CUBN: variants seen among roughly 807,000 people sequenced by gnomAD.
The protein encoded by CUBN is 460 kDa receptor.
A neutral mutation model predicts 405.3 loss-of-function variants in CUBN; 282 were observed. The ratio of observed to expected loss-of-function variants is 0.70; its 90% confidence interval spans 0.63 to 0.77. The LOEUF (loss-of-function observed/expected upper bound fraction) is 0.77. Among genes scored for constraint, CUBN ranks in the 30% least tolerant of loss-of-function variants. The pLI, the probability that CUBN is intolerant of heterozygous loss-of-function variation, is 0.00. For missense variants in CUBN, 4,514 were observed against 4,475.2 expected (o/e 1.01, Z -0.25); for synonymous variants, 1,684 against 1,617.0 (o/e 1.04, Z -0.99).
chr10:17,112,446 G>A (rs1836792806), intron 8 of CUBN, among the ~76,000 whole-genome samples: 1 of 151,880 alleles, frequency 6.6e-6, no homozygotes, highest in African/African-American at 2.4e-5. Context: ...GAAAAATAGG[G>A]TGATAAACAA....
chr10:17,097,218 GATA>G (rs1836395284), intron 14 of CUBN, among the ~76,000 whole-genome samples: 1 of 151,844 alleles, frequency 6.6e-6, no homozygotes, highest in African/African-American at 2.4e-5. Flanking sequence ...AGGTAAAAAA[GATA>G]ACATAAATTA....
intron 31 of CUBN, among the ~76,000 whole-genome samples, chr10:16,975,559 C>G (rs1341319898): frequency 2.0e-5 from 3 of 151,836 alleles, no homozygotes; most frequent in Non-Finnish European, 4.4e-5. Context: ...TAGAGCAATA[C>G]CCACCATGGT....
At chr10:16,952,243 G>A in intron 33 of CUBN, 33 bp downstream of exon 33, 3 of 1,477,512 alleles carry the variant, frequency 2.0e-6, no homozygotes, top group Non-Finnish European at 2.8e-6. Flanking sequence ...CTTCTCTCCT[G>A]TGTGCCTTTT....
intron 62 of CUBN, 29 bp from the exon 63 acceptor site, chr10:16,836,411 T>C (rs753090505): frequency 2.2e-5 from 36 of 1,607,494 alleles, no homozygotes; most frequent in Non-Finnish European, 3.0e-5. Context: ...CAAATCATGT[T>C]AGATTTAGTC....
chr10:16,966,233 C>T (rs1310346735), intron 31 of CUBN, among the ~76,000 whole-genome samples: 2 of 152,178 alleles, frequency 1.3e-5, no homozygotes, highest in Non-Finnish European at 2.9e-5. Flanking sequence ...TTCCAGTGAA[C>T]GTGCATGGGA....
intron 59 of CUBN, among the ~76,000 whole-genome samples, chr10:16,859,802 G>T (rs1457131397): frequency 6.6e-6 from 1 of 152,066 alleles, no homozygotes; most frequent in African/African-American, 2.4e-5. Context: ...AACAGCAAGG[G>T]TAATTTTACA....
At chr10:16,989,972 C>T (rs373207809) in intron 29 of CUBN, among the ~76,000 whole-genome samples, 20 of 152,220 alleles carry the variant, frequency 1.3e-4, no homozygotes, top group Non-Finnish European at 2.9e-4. Context: ...CCAGAGTTGG[C>T]GGACCAGTGC....
chr10:16,838,547 G>C (rs1564378355), intron 62 of CUBN, among the ~76,000 whole-genome samples: 1 of 152,046 alleles, frequency 6.6e-6, no homozygotes, highest in Non-Finnish European at 1.5e-5. Context: ...AAAATCTTTG[G>C]GCCTTTGGTC....
At chr10:16,864,561 C>T (rs557181439) in intron 59 of CUBN, among the ~76,000 whole-genome samples, 3 of 151,592 alleles carry the variant, frequency 2.0e-5, no homozygotes, top group South Asian at 4.2e-4. Flanking sequence ...AATTGAGATT[C>T]AAAACGTTAT....
intron 58 of CUBN, among the ~76,000 whole-genome samples, chr10:16,873,501 C>G (rs570181561): frequency 3.9e-4 from 60 of 152,152 alleles, no homozygotes; most frequent in South Asian, 4.2e-4. Flanking sequence ...GCGGGAGGAT[C>G]ACTTGAGGTC....
chr10:16,870,374 T>A lies in CUBN; in HGVS notation c.9237-521A>T, dbSNP rs978351859. Among the ~76,000 whole-genome samples the A allele has an allele frequency of 7.9e-5, 12 of 152,324 alleles. No homozygotes were observed. In the East Asian group the frequency reaches 2.3e-3, roughly 29 times the overall value. On this transcript the variant is annotated intron_variant, in intron 58 of 66. Transcript: ENST00000377833. ...TTTTCCTCTTTTAAAATGAAGTTTATGTTAAGGTCAGGTGAAGAACAGGAA... is the reference window on the plus strand; with the variant it reads ...TTTTCCTCTTTTAAAATGAAGTTTAAGTTAAGGTCAGGTGAAGAACAGGAA...
At chr10:16,880,308 A>G (rs1214263143) in intron 56 of CUBN, among the ~76,000 whole-genome samples, 1 of 152,242 alleles carries the variant, frequency 6.6e-6, no homozygotes, top group Non-Finnish European at 1.5e-5. Context: ...CCAGTCAATC[A>G]ATGGCAAGGC....
chr10:16,969,873 C>A (rs1442588029), intron 31 of CUBN, among the ~76,000 whole-genome samples: 1 of 152,156 alleles, frequency 6.6e-6, no homozygotes, highest in Non-Finnish European at 1.5e-5. Flanking sequence ...CTGGTGGCTG[C>A]CTGAGGTTGA....
At chr10:16,924,091 T>A (rs533651211) in intron 43 of CUBN, among the ~76,000 whole-genome samples, 1 of 148,256 alleles carries the variant, frequency 6.7e-6, no homozygotes, top group Admixed American at 6.7e-5. Context: ...AAAGACTGAG[T>A]CTATTATAAA....
intron 28 of CUBN, among the ~76,000 whole-genome samples, chr10:17,004,409 C>CCTAATTT (rs993431726): frequency 6.6e-6 from 1 of 152,334 alleles, no homozygotes; most frequent in African/African-American, 2.4e-5. Flanking sequence ...CAAAACCTCA[C>CCTAATTT]CTAATTTTTA....
intron 27 of CUBN, among the ~76,000 whole-genome samples, chr10:17,023,273 G>A (rs1359734902): frequency 6.6e-6 from 1 of 151,428 alleles, no homozygotes; most frequent in South Asian, 2.1e-4. Flanking sequence ...TTGCCTTTGG[G>A]GGGAGAAAAT....
chr10:16,905,428 C>T lies in CUBN; in HGVS notation c.7912+775G>A, dbSNP rs533796881. Among the ~76,000 whole-genome samples, 9 of 152,218 alleles carry T rather than the reference C, an allele frequency of 5.9e-5. No homozygotes were observed. The South Asian group carries it at 1.0e-3, about 18-fold the overall frequency. ...AAATGACTGCTTTGGGGTTATTTCCCCAAATAGCTTCCATGTGTTTCTCCA... is the reference window on the plus strand; with the variant it reads ...AAATGACTGCTTTGGGGTTATTTCCTCAAATAGCTTCCATGTGTTTCTCCA... On this transcript the variant is annotated intron_variant, in intron 50 of 66. Coordinates refer to ENST00000377833, the MANE Select transcript of CUBN (RefSeq NM_001081.4).
At chr10:16,991,382 TACTA>T (rs111567126) in intron 28 of CUBN, among the ~76,000 whole-genome samples, 36,624 of 151,974 alleles carry the variant, frequency 0.24, 4,507 homozygotes, top group Non-Finnish European at 0.25. Flanking sequence ...GATGCTAGGA[TACTA>T]ACTGAGGTGA....
In CUBN at chr10:17,089,365, G is replaced by T. The variant is rs1836200042; in HGVS notation, c.1766-1020C>A. 2.6e-5 allele frequency among the ~76,000 whole-genome samples: 4 copies of T among 152,012 alleles called. No individual in the cohort carries two copies. In the South Asian group the frequency reaches 8.3e-4, roughly 32 times the overall value. On this transcript the variant is annotated intron_variant, in intron 14 of 66. Coordinates refer to ENST00000377833, the MANE Select transcript of CUBN (RefSeq NM_001081.4). ...AGCATAAGCAAAGGAAAAGATTAATGACAAAATAAGAAAAAATGCAATATG... is the reference window on the plus strand; with the variant it reads ...AGCATAAGCAAAGGAAAAGATTAATTACAAAATAAGAAAAAATGCAATATG...
Sources: allele counts gnomAD v4.1 joint callset (sites outside exome capture counted in the v4.1 genomes callset), GRCh38; gene constraint gnomAD v4.1.1; transcripts MANE v1.5; gene names NCBI Gene and HGNC (gene_info 2026-07-23, HGNC 2026-07-21).